The following ADD2 variants were observed in gnomAD, a reference collection of about 807,000 sequenced individuals.
ADD2 encodes the protein beta-adducin.
In ADD2, 23 loss-of-function variants were observed where a neutral mutation model predicts 83.0. The ratio of observed to expected loss-of-function variants is 0.28; its 90% CI spans 0.20 to 0.39. The LOEUF is 0.39. Among genes scored for constraint, ADD2 ranks in the 10% least tolerant of loss-of-function variants. The probability of loss-of-function intolerance (pLI) is 1.00; values close to 1 mark genes in which losing one functional copy is unlikely to be tolerated. For synonymous variants in ADD2, 375 were observed against 375.4 expected (o/e 1.00, Z 0.01); for missense variants, 758 against 944.9 (o/e 0.80, Z 2.59).
At chr2:70,735,103 C>T (rs1673465586) in intron 1 of ADD2, among the ~76,000 whole-genome samples, 1 of 152,058 alleles carries the variant, frequency 6.6e-6, no homozygotes, top group Admixed American at 6.6e-5. Context: ...TTTCCTAGTG[C>T]TTTTTCCAAC....
intron 4 of ADD2, among the ~76,000 whole-genome samples, chr2:70,700,700 A>G (rs1671544705): frequency 6.6e-6 from 1 of 152,100 alleles, no homozygotes; most frequent in Admixed American, 6.5e-5. Context: ...AGATTGGTCA[A>G]TAAAGAGAAA....
rs1008054933 is a variant in ADD2, at chr2:70,657,093, C to T, written c.*6332G>A. ...TAACCACCGATCTGCACGTCAGTGG[C>T]TCAAAAAGTGTTAGCATAGAGAAAG... is the stretch of plus-strand genomic sequence containing the variant. On this transcript the variant is annotated 3_prime_UTR_variant, in exon 16 of 16. Coordinates refer to ENST00000264436, the MANE Select transcript of ADD2 (RefSeq NM_001617.4). The T allele has an allele frequency of 4.6e-5, 7 of 152,074 alleles. No homozygotes were observed. The highest frequency in any genetic ancestry group is 2.1e-4 in the South Asian group (1 of 4,804). 9.4% of individuals were successfully genotyped at this position (152,074 alleles called of 1,614,324 possible). A position where few individuals can be genotyped will look rare whatever the true frequency, so the allele number is the denominator to read the frequency against.
intron 10 of ADD2, among the ~76,000 whole-genome samples, chr2:70,683,259 C>T (rs1553369867): frequency 6.6e-6 from 1 of 152,000 alleles, no homozygotes; most frequent in East Asian, 1.9e-4. Flanking sequence ...AATCTCCTGA[C>T]CTTGTGATCT....
intron 1 of ADD2, among the ~76,000 whole-genome samples, chr2:70,743,037 G>A (rs1228800963): frequency 6.6e-6 from 1 of 152,158 alleles, no homozygotes; most frequent in Non-Finnish European, 1.5e-5. Context: ...TACTGCTGTT[G>A]CATAGCACAG....
Position 70,765,213 on chromosome 2 carries a change from C to T in ADD2, c.-154+2673G>A, listed in dbSNP as rs562183662. On this transcript the variant is annotated intron_variant, in intron 1 of 15. Transcript: ENST00000264436. The stretch of plus-strand genomic sequence containing the variant: ...ACTAAAAATGCAAAAATTAGCCGGG[C>T]GTGGTGACACGCACCTGTAGTCCCA... Among the ~76,000 whole-genome samples, 155 of 152,102 alleles carry T rather than the reference C, an allele frequency of 1.0e-3. 1 individual carries two copies. The highest frequency in any genetic ancestry group is 3.6e-3 in the African/African-American group (148 of 41,414).
intron 1 of ADD2, among the ~76,000 whole-genome samples, chr2:70,754,378 T>C (rs938289377): frequency 6.6e-6 from 1 of 152,118 alleles, no homozygotes; most frequent in African/African-American, 2.4e-5. Context: ...CAGGACACTA[T>C]TGCCCCACAG....
chr2:70,742,501 T>C (rs1447915168), intron 1 of ADD2, among the ~76,000 whole-genome samples: 2 of 152,150 alleles, frequency 1.3e-5, no homozygotes, highest in African/African-American at 4.8e-5. Flanking sequence ...AGAAATGGAC[T>C]GCTGGTTGAA....
intron 1 of ADD2, among the ~76,000 whole-genome samples, chr2:70,748,540 G>C (rs1442917908): frequency 2.6e-5 from 4 of 152,134 alleles, no homozygotes; most frequent in African/African-American, 4.8e-5. Flanking sequence ...CCAAAGCAGA[G>C]CACTTCCTAC....
In ADD2 at chr2:70,676,180, C is replaced by T; in HGVS notation, c.1593+616G>A. The T allele has an allele frequency of 1.0e-6, 1 of 985,704 alleles. No homozygotes were observed. Among genetic ancestry groups the T allele is most frequent in the Non-Finnish European group, 1.2e-6 (1 of 830,102 alleles). 61.1% of individuals were successfully genotyped at this position (985,704 alleles called of 1,614,324 possible). On this transcript the variant is annotated intron_variant, in intron 13 of 15. Coordinates refer to ENST00000264436, the MANE Select transcript of ADD2 (RefSeq NM_001617.4). The surrounding 1 kb of genome is among the most constrained non-coding windows in gnomAD (Gnocchi z 4.8). ...CAAGGAGCAGCAGTGATTTCAAACA[C>T]ATGCCAGAATTCTGAACTTCACCCC...
chr2:70,680,475 C>A (rs1325820430), intron 10 of ADD2, among the ~76,000 whole-genome samples: 1 of 152,140 alleles, frequency 6.6e-6, no homozygotes, highest in Non-Finnish European at 1.5e-5. Flanking sequence ...AATTACTTTT[C>A]TTTTTATAAC....
Position 70,706,559 on chromosome 2 carries a change from G to A in ADD2, c.-34-117C>T. 1.0e-6 allele frequency: 1 copy of A among 955,034 alleles called. No homozygotes were observed. The highest frequency in any genetic ancestry group is 1.5e-6 in the Non-Finnish European group (1 of 667,738). The allele number at this position is 955,034 out of a possible 1,614,324, so 59.2% of individuals were successfully genotyped here. A position where few individuals can be genotyped will look rare whatever the true frequency, so the allele number is the denominator to read the frequency against. On this transcript the variant is annotated intron_variant, in intron 2 of 15. Transcript: ENST00000264436. This position sits in a 1 kb window ranked among gnomAD's most constrained non-coding sequence, Gnocchi z 5.0. ...CTCAGTGGGGTACGGCTGTTCCTAGGATGGTAGAGGCAGAGCCTGGGGAGG... is the reference window on the plus strand; with the variant it reads ...CTCAGTGGGGTACGGCTGTTCCTAGAATGGTAGAGGCAGAGCCTGGGGAGG...
chr2:70,677,691 C>T, intron 12 of ADD2, 67 bp downstream of exon 12: 1 of 1,585,302 alleles, frequency 6.3e-7, no homozygotes, highest in South Asian at 1.2e-5. Flanking sequence ...AACTCAGCTC[C>T]TGTTTGTGGG....
At chr2:70,727,124 T>A (rs532458748) in intron 1 of ADD2, among the ~76,000 whole-genome samples, 1 of 152,214 alleles carries the variant, frequency 6.6e-6, no homozygotes. Flanking sequence ...AATGCTAGGA[T>A]TGATTTCCAG....
intron 9 of ADD2, among the ~76,000 whole-genome samples, chr2:70,684,951 G>T (rs1253719413): frequency 2.0e-5 from 3 of 152,030 alleles, no homozygotes; most frequent in Non-Finnish European, 4.4e-5. Context: ...CTTATCTAAT[G>T]GTACATTCTA....
chr2:70,681,454 G>C (rs1159070015), intron 10 of ADD2, among the ~76,000 whole-genome samples: 1 of 152,072 alleles, frequency 6.6e-6, no homozygotes, highest in African/African-American at 2.4e-5. Context: ...TTAAGACCAG[G>C]AATCTTTGAA....
At chr2:70,696,587 C>T (rs1230717102) in intron 4 of ADD2, among the ~76,000 whole-genome samples, 191 bp from the exon 5 acceptor site, 1 of 152,194 alleles carries the variant, frequency 6.6e-6, no homozygotes, top group East Asian at 1.9e-4. Context: ...ATAAAGTCTG[C>T]TCATTCAGAT....
chr2:70,698,408 T>C (rs1035112943), intron 4 of ADD2, among the ~76,000 whole-genome samples: 4 of 152,174 alleles, frequency 2.6e-5, no homozygotes, highest in Admixed American at 6.5e-5. Context: ...GAGCTCCCGA[T>C]CCCCTGCTCT....
chr2:70,744,827 G>A (rs1189467296), intron 1 of ADD2, among the ~76,000 whole-genome samples: 1 of 152,094 alleles, frequency 6.6e-6, no homozygotes, highest in Admixed American at 6.6e-5. Flanking sequence ...GGGGAAGACC[G>A]GGCTTGGAAT....
At chr2:70,677,087 C>G (rs1006629567) in intron 12 of ADD2, among the ~76,000 whole-genome samples, 1 of 152,052 alleles carries the variant, frequency 6.6e-6, no homozygotes, top group African/African-American at 2.4e-5. Flanking sequence ...ATGTAAAGCA[C>G]CAGATTTTCA....
Sources: gnomAD v4.1 joint callset for allele counts (sites outside exome capture counted in the v4.1 genomes callset) on GRCh38, gnomAD v4.1.1 for gene constraint, Gnocchi (gnomAD v3.1) non-coding constraint, MANE v1.5 for transcripts, NCBI Gene and HGNC (gene_info 2026-07-23, HGNC 2026-07-21) for gene names.